The following RAI1 variants were observed in gnomAD, a reference collection of about 807,000 sequenced individuals.
RAI1 encodes retinoic acid induced 1.
Under a neutral mutation model 123.8 loss-of-function variants are expected in RAI1, and 9 were observed. That is an observed-to-expected ratio of 0.07 (90% CI 0.04 to 0.13). The LOEUF is 0.13. Among genes scored for constraint, RAI1 ranks in the 10% least tolerant of loss-of-function variants. The pLI is 1.00. For missense variants in RAI1, 2,256 were observed against 2,545.8 expected (o/e 0.89, Z 2.45); for synonymous variants, 1,231 against 1,127.3 (o/e 1.09, Z -1.84).
chr17:17,735,579 A>T (rs1484594909), intron 2 of RAI1, among the ~76,000 whole-genome samples: 2 of 150,108 alleles, frequency 1.3e-5, no homozygotes, highest in East Asian at 4.0e-4. Flanking sequence ...CTGGTCTCAA[A>T]CTCCTGACCT....
At chr17:17,695,551 G>A (rs1394756477) in intron 1 of RAI1, among the ~76,000 whole-genome samples, 1 of 147,542 alleles carries the variant, frequency 6.8e-6, no homozygotes, top group African/African-American at 2.5e-5. Context: ...TTTTGAGCTA[G>A]AGTCTCCCTT....
intron 1 of RAI1, among the ~76,000 whole-genome samples, chr17:17,703,373 A>C (rs1227689921): frequency 6.6e-6 from 1 of 152,204 alleles, no homozygotes; most frequent in Non-Finnish European, 1.5e-5. Flanking sequence ...GAGGGTTTCC[A>C]TGCAGGGTGG....
At chr17:17,755,309 A>G in intron 2 of RAI1, among the ~76,000 whole-genome samples, 1 of 152,240 alleles carries the variant, frequency 6.6e-6, no homozygotes, top group Non-Finnish European at 1.5e-5. Context: ...AGCTTCTGGC[A>G]GCTTTGCTCC....
chr17:17,794,947 C>G lies in RAI1; in HGVS notation c.1999C>G (p.Leu667Val), dbSNP rs776620252. ...GCCCCGGCCTGGGGAGCCGGAGGCC[C>G]TGCCCGACTCCTTGCAGCTGGACAA... ...AWPRPGEPEA[L>V]PDSLQLDKGG... The change falls in exon 3 of 6, where the codon CTG becomes GTG. Residue 667 changes from leucine (L) to valine (V), a missense_variant. Around this residue, in one of 7 missense-constraint regions of RAI1, gnomAD observed 566 missense variants for 616.0 expected, o/e 0.92. Coordinates refer to ENST00000353383, the MANE Select transcript of RAI1 (RefSeq NM_030665.4). The G allele has an allele frequency of 6.2e-7, 1 of 1,613,726 alleles. No homozygotes were observed. Among genetic ancestry groups the G allele is most frequent in the South Asian group, 1.1e-5 (1 of 91,080 alleles).
Position 17,794,892 on chromosome 17 carries a change from C to G in RAI1, c.1944C>G (p.Ala648=), listed in dbSNP as rs750279070. Residue 648 remains alanine (A), a synonymous_variant, in exon 3 of 6, where the codon GCC becomes GCG. Coordinates refer to ENST00000353383, the MANE Select transcript of RAI1 (RefSeq NM_030665.4). ...KPPFSLENHS[A]CLDSVAKSAW... Reference sequence around the variant, plus strand: ...CCTTCTCGCTGGAGAACCACAGCGCCTGCCTGGACTCTGTGGCCAAGAGTG... The same window carrying G: ...CCTTCTCGCTGGAGAACCACAGCGCGTGCCTGGACTCTGTGGCCAAGAGTG... 6.2e-7 allele frequency: 1 copy of G among 1,613,396 alleles called. No homozygotes were observed. Among genetic ancestry groups the G allele is most frequent in the African/African-American group, 1.3e-5 (1 of 74,956 alleles).
At position 17,796,926 on chromosome 17, in the gene RAI1, C is replaced by T; in HGVS notation, c.3978C>T (p.Gly1326=). 6.2e-7 allele frequency: 1 copy of T among 1,613,502 alleles called. No individual in the cohort carries two copies. Among genetic ancestry groups the T allele is most frequent in the African/African-American group, 1.3e-5 (1 of 75,042 alleles). The change falls in exon 3 of 6, where the codon GGC becomes GGT. Residue 1326 remains glycine (G), a synonymous_variant. Transcript: ENST00000353383. This position sits in a 1 kb window ranked among gnomAD's most constrained non-coding sequence, Gnocchi z 5.8. ...TKVLPPRKGR[G]LKLEAIVQKI... ...TGCTGCCACCCCGGAAGGGCCGGGG[C>T]CTGAAGCTGGAAGCCATCGTGCAGA...
chr17:17,689,747 A>G (rs539009409), intron 1 of RAI1, among the ~76,000 whole-genome samples: 2 of 152,212 alleles, frequency 1.3e-5, no homozygotes, highest in Non-Finnish European at 2.9e-5. Context: ...AACTGATAGA[A>G]TCTACCTCAT....
At chr17:17,759,020 G>A (rs2030570681) in intron 2 of RAI1, 1 of 152,320 alleles carries the variant, frequency 6.6e-6, no homozygotes, top group Non-Finnish European at 1.5e-5. Flanking sequence ...AAGGTTTTCA[G>A]CTGAGGAGGA....
chr17:17,798,040 G>A lies in RAI1; in HGVS notation c.5092G>A (p.Asp1698Asn), dbSNP rs1204086454. ...CTGCCAAAACCCGGCCAACTTCAAG[G>A]ACCTTGGGGACCTCTGTGGGCCCTA... ...CLCQNPANFKDLGDLCGPYYP... is the reference protein window; with the variant it reads ...CLCQNPANFKNLGDLCGPYYP... Residue 1698 changes from aspartate (D) to asparagine (N), a missense_variant, in exon 3 of 6, where the codon GAC (aspartate) becomes AAC (asparagine). Coordinates refer to ENST00000353383, the MANE Select transcript of RAI1 (RefSeq NM_030665.4). 6.2e-7 allele frequency: 1 copy of A among 1,614,058 alleles called. No homozygotes were observed. Among genetic ancestry groups the A allele is most frequent in the Non-Finnish European group, 8.5e-7 (1 of 1,180,034 alleles).
At chr17:17,766,655 A>C (rs1320802986) in intron 2 of RAI1, among the ~76,000 whole-genome samples, 1 of 152,236 alleles carries the variant, frequency 6.6e-6, no homozygotes, top group East Asian at 1.9e-4. Flanking sequence ...TGCGAGGCCC[A>C]GGGCGGGGAC....
In RAI1 at chr17:17,806,125, G is replaced by A. The variant is rs137938870; in HGVS notation, c.5659+2276G>A. 8.3e-3 allele frequency among the ~76,000 whole-genome samples: 1,266 copies of A among 152,346 alleles called. 8 individuals carry two copies. The highest frequency in any genetic ancestry group is 0.02 in the Middle Eastern group (6 of 294). The stretch of plus-strand genomic sequence containing the variant: ...TTGGCCACAGTTAGGGAGACCAGAC[G>A]GGAAGGAGAGAGTATGCACTGTGGA... On this transcript the variant is annotated intron_variant, in intron 4 of 5. Transcript: ENST00000353383.
intron 2 of RAI1, among the ~76,000 whole-genome samples, chr17:17,788,840 C>T (rs2031919106): frequency 6.6e-6 from 1 of 152,148 alleles, no homozygotes; most frequent in South Asian, 2.1e-4. Flanking sequence ...CAGCTCTGGC[C>T]TACACTGTGC....
Position 17,685,997 on chromosome 17 carries a change from C to G in RAI1, c.-149+4204C>G, listed in dbSNP as rs1304472430. On this transcript the variant is annotated intron_variant, in intron 1 of 5. Transcript: ENST00000353383. The surrounding 1 kb of genome is among the most constrained non-coding windows in gnomAD (Gnocchi z 4.0). The stretch of plus-strand genomic sequence containing the variant: ...CTCTGACCTCCGAGGCAGAATGAGT[C>G]ATCTCCCTTTGTCTATACTCGTGGC... Among the ~76,000 whole-genome samples the G allele has an allele frequency of 6.6e-6, 1 of 152,246 alleles. No homozygotes were observed. Among genetic ancestry groups the G allele is most frequent in the African/African-American group, 2.4e-5 (1 of 41,460 alleles).
intron 1 of RAI1, among the ~76,000 whole-genome samples, chr17:17,716,569 T>A (rs560265324): frequency 6.6e-6 from 1 of 152,250 alleles, no homozygotes; most frequent in South Asian, 2.1e-4. Context: ...TGCATGTGTA[T>A]GTGGTTTTGT....
chr17:17,809,213 C>CGTGGAGTGGA lies in RAI1; in HGVS notation c.5660-168_5660-159dup, dbSNP rs140447784. ...GCCAGGCCAGGGGCCGCACCCGCGC[C>CGTGGAGTGGA]GTGGAGTGGAGTGGAGTGTGGAGGG... On this transcript the variant is annotated intron_variant, in intron 4 of 5. Coordinates refer to ENST00000353383, the MANE Select transcript of RAI1 (RefSeq NM_030665.4). The surrounding 1 kb of genome is among the most constrained non-coding windows in gnomAD (Gnocchi z 4.9). The CGTGGAGTGGA allele has an allele frequency of 8.3e-6, 6 of 719,622 alleles. No homozygotes were observed. The Admixed American group carries it at 9.5e-5, about 11-fold the overall frequency. The allele number at this position is 719,622 out of a possible 1,614,324, so 44.6% of individuals were successfully genotyped here. A position where few individuals can be genotyped will look rare whatever the true frequency, so the allele number is the denominator to read the frequency against.
chr17:17,710,286 C>T (rs1343597100), intron 1 of RAI1, among the ~76,000 whole-genome samples: 4 of 152,224 alleles, frequency 2.6e-5, no homozygotes, highest in South Asian at 2.1e-4. Flanking sequence ...GCCAAGCACA[C>T]GCCCCTCACC....
At position 17,793,979 on chromosome 17, in the gene RAI1, A is replaced by T; in HGVS notation, c.1031A>T (p.His344Leu). 1.9e-6 allele frequency: 3 copies of T among 1,613,502 alleles called. No homozygotes were observed. Among genetic ancestry groups the T allele is most frequent in the Non-Finnish European group, 2.5e-6 (3 of 1,179,902 alleles). The part of the protein sequence containing the change: ...YYQTFSPSSS[H>L]SPARSVGRSP... ...CAGACCTTCAGCCCCAGCTCCAGCC[A>T]CTCACCCGCCCGCTCCGTGGGCCGC... The change falls in exon 3 of 6, where the codon CAC becomes CTC. Residue 344 changes from histidine (H) to leucine (L), a missense_variant. By Grantham distance (99) the His-to-Leu change is moderately conservative. Coordinates refer to ENST00000353383, the MANE Select transcript of RAI1 (RefSeq NM_030665.4).
chr17:17,810,052 C>T lies in RAI1; in HGVS notation c.*71C>T. On this transcript the variant is annotated 3_prime_UTR_variant, in exon 6 of 6. Transcript: ENST00000353383. The surrounding 1 kb of genome is among the most constrained non-coding windows in gnomAD (Gnocchi z 4.6). ...GCCCGCCGCCGAAGGAGAGGAGCCG[C>T]CTGCGCAGCCCCCGGGCCTTTGAGC... The T allele has an allele frequency of 6.5e-7, 1 of 1,535,572 alleles. No individual in the cohort carries two copies. The highest frequency in any genetic ancestry group is 8.8e-7 in the Non-Finnish European group (1 of 1,140,632).
chr17:17,699,627 GC>G (rs926720760), intron 1 of RAI1, among the ~76,000 whole-genome samples: 4 of 137,406 alleles, frequency 2.9e-5, no homozygotes, highest in South Asian at 2.6e-4. Flanking sequence ...TTGTCGGGGG[GC>G]CGGGGGGGGG....
Sources: allele counts gnomAD v4.1 joint callset (sites outside exome capture counted in the v4.1 genomes callset), GRCh38; gene constraint gnomAD v4.1.1; regional missense constraint gnomAD v4.1.1; non-coding constraint Gnocchi (gnomAD v3.1); transcripts MANE v1.5; gene names NCBI Gene and HGNC (gene_info 2026-07-23, HGNC 2026-07-21).